The following DEUP1 variants were observed in gnomAD, a reference collection of about 807,000 sequenced individuals.
The protein encoded by DEUP1 is coiled-coil domain containing 67.
A neutral mutation model predicts 87.4 loss-of-function variants in DEUP1; 82 were observed. That is an observed-to-expected ratio of 0.94 (90% confidence interval 0.78 to 1.13). DEUP1 has a LOEUF of 1.13. DEUP1 is among the 50% of genes most tolerant of loss of function. The probability of loss-of-function intolerance (pLI) is 0.00; values close to 1 mark genes in which losing one functional copy is unlikely to be tolerated. For synonymous variants in DEUP1, 214 were observed against 222.7 expected, an observed-to-expected ratio of 0.96 and a Z score of 0.35; for missense variants, 663 against 681.5, an observed-to-expected ratio of 0.97 and a Z score of 0.30.
chr11:93,374,897 A>C (rs938297732), intron 7 of DEUP1, among the ~76,000 whole-genome samples: 1 of 151,886 alleles, frequency 6.6e-6, no homozygotes, highest in African/African-American at 2.4e-5. Flanking sequence ...TATTGATTCT[A>C]CCCATCCATG....
At chr11:93,359,861 C>T (rs567730714) in intron 4 of DEUP1, among the ~76,000 whole-genome samples, 31 of 152,260 alleles carry the variant, frequency 2.0e-4, no homozygotes, top group African/African-American at 6.5e-4. Flanking sequence ...CAAGGTAACC[C>T]GGGCCCTCTT....
At chr11:93,344,572 G>A (rs368590505) in intron 2 of DEUP1, among the ~76,000 whole-genome samples, 5 of 151,124 alleles carry the variant, frequency 3.3e-5, no homozygotes, top group African/African-American at 4.9e-5. Flanking sequence ...CCTCTCCCAC[G>A]CTCCACACCC....
chr11:93,350,473 G>C (rs568218985), intron 2 of DEUP1, among the ~76,000 whole-genome samples: 126 of 152,266 alleles, frequency 8.3e-4, no homozygotes, highest in Middle Eastern at 3.4e-3. Context: ...GTAGTTACCT[G>C]TTAAGAGAAG....
intron 13 of DEUP1, among the ~76,000 whole-genome samples, chr11:93,431,637 T>C (rs573685663): frequency 6.6e-6 from 1 of 152,288 alleles, no homozygotes; most frequent in East Asian, 1.9e-4. Context: ...GAATAAATTA[T>C]AGAGGGGCAA....
rs1947773733 is a variant in DEUP1 at position 93,419,182 on chromosome 11, TAATAA to T, written c.1638+4071_1638+4075del. On this transcript the variant is annotated intron_variant, in intron 13 of 13. Coordinates refer to ENST00000298050, the MANE Select transcript of DEUP1 (RefSeq NM_181645.4). ...ATGTACCCTAAAACTTAAAGTATAA[TAATAA>T]AAAAAAAAAAGACAGAACTGTGGCT... Among the ~76,000 whole-genome samples the T allele has an allele frequency of 2.6e-5, 3 of 115,082 alleles. 1 individual carries two copies. The highest frequency in any genetic ancestry group is 1.1e-4 in the African/African-American group (3 of 26,490). The allele number at this position is 115,082 out of a possible 152,430, so 75.5% of individuals were successfully genotyped here.
intron 12 of DEUP1, among the ~76,000 whole-genome samples, chr11:93,413,109 A>T (rs527429021): frequency 3.3e-5 from 5 of 152,204 alleles, no homozygotes; most frequent in South Asian, 4.1e-4. Flanking sequence ...AATGTGAAAA[A>T]TTTTTTAACT....
intron 2 of DEUP1, among the ~76,000 whole-genome samples, chr11:93,338,372 C>T (rs1227637005): frequency 6.6e-6 from 1 of 151,580 alleles, no homozygotes; most frequent in Non-Finnish European, 1.5e-5. Flanking sequence ...GGGACAAGCA[C>T]AGTGCCTGAC....
At chr11:93,393,933 G>A (rs1946852971) in intron 9 of DEUP1, among the ~76,000 whole-genome samples, 1 of 152,128 alleles carries the variant, frequency 6.6e-6, no homozygotes, top group Non-Finnish European at 1.5e-5. Flanking sequence ...CTTAAGTAAG[G>A]GAAGTGATGA....
chr11:93,363,972 A>G (rs1356464924), intron 4 of DEUP1, among the ~76,000 whole-genome samples, 188 bp from the exon 5 acceptor site: 4 of 151,974 alleles, frequency 2.6e-5, no homozygotes, highest in Non-Finnish European at 5.9e-5. Context: ...TGAAAGCTGA[A>G]TTGTGTTCAG....
At chr11:93,366,936 G>C (rs535084933) in intron 5 of DEUP1, among the ~76,000 whole-genome samples, 1 of 152,112 alleles carries the variant, frequency 6.6e-6, no homozygotes, top group East Asian at 1.9e-4. Context: ...TTTAAATCTA[G>C]ATTGCATTAA....
chr11:93,437,743 TCC>T lies in DEUP1; in HGVS notation c.*32_*33del, dbSNP rs5793640. On this transcript the variant is annotated 3_prime_UTR_variant, in exon 14 of 14. Coordinates refer to ENST00000298050, the MANE Select transcript of DEUP1 (RefSeq NM_181645.4). ...GAGCTTTTAAACTTTTTTATTTGCT[TCC>T]CCCCCCCACCCCCGCCAAGAAAAAA... 4.0e-5 allele frequency: 37 copies of T among 929,098 alleles called. No individual in the cohort carries two copies. Among genetic ancestry groups the T allele is most frequent in the Non-Finnish European group, 5.1e-5 (32 of 625,378 alleles). 57.6% of individuals were successfully genotyped at this position (929,098 alleles called of 1,614,324 possible). A position where few individuals can be genotyped will look rare whatever the true frequency, so the allele number is the denominator to read the frequency against.
chr11:93,437,586 A>C lies in DEUP1; in HGVS notation c.1682A>C (p.His561Pro). The C allele has an allele frequency of 6.2e-7, 1 of 1,613,762 alleles. No homozygotes were observed. Among genetic ancestry groups the C allele is most frequent in the Non-Finnish European group, 8.5e-7 (1 of 1,179,746 alleles). ...MSFPASLAAQ[H>P]FLLEEEKRAK... The stretch of plus-strand genomic sequence containing the variant: ...TTCCCAGCATCTTTGGCTGCACAGC[A>C]TTTCCTTCTGGAAGAAGAGAAACGA... The change falls in exon 14 of 14, where the codon CAT (histidine) becomes CCT (proline). Residue 561 changes from histidine to proline, a missense_variant. Transcript: ENST00000298050.
chr11:93,346,287 A>G (rs1944346099), intron 2 of DEUP1, among the ~76,000 whole-genome samples: 1 of 152,060 alleles, frequency 6.6e-6, no homozygotes, highest in Non-Finnish European at 1.5e-5. Context: ...TTCAGGGCAC[A>G]ATCTTGGCTC....
At chr11:93,428,079 A>G (rs2134490954) in intron 13 of DEUP1, among the ~76,000 whole-genome samples, 1 of 152,212 alleles carries the variant, frequency 6.6e-6, no homozygotes, top group East Asian at 1.9e-4. Flanking sequence ...TTCCTCAGGG[A>G]TCTAGAACTA....
chr11:93,370,155 AATT>A lies in DEUP1; in HGVS notation c.521_523del (p.Leu174del), dbSNP rs778298959. ...CTGATTTCTTTAGATGCTCAACAAA[AATT>A]ATTATCTGAGAAGTGTAATCAGTTT... is the stretch of plus-strand genomic sequence containing the variant. On this transcript the variant is annotated inframe_deletion, in exon 6 of 14. Coordinates refer to ENST00000298050, the MANE Select transcript of DEUP1 (RefSeq NM_181645.4). 9.4e-6 allele frequency: 15 copies of A among 1,588,802 alleles called. No individual in the cohort carries two copies. Among genetic ancestry groups the A allele is most frequent in the South Asian group, 5.6e-5 (5 of 88,986 alleles).
chr11:93,417,159 A>C (rs946478969), intron 13 of DEUP1, among the ~76,000 whole-genome samples: 1 of 144,826 alleles, frequency 6.9e-6, no homozygotes, highest in African/African-American at 2.6e-5. Context: ...TATTCAACAT[A>C]GTGTTGGAAG....
intron 13 of DEUP1, among the ~76,000 whole-genome samples, chr11:93,419,984 T>G (rs1032667206): frequency 2.6e-5 from 4 of 151,916 alleles, no homozygotes; most frequent in Admixed American, 6.6e-5. Context: ...CTACCAAAGG[T>G]ACAAGGAGGA....
chr11:93,380,378 G>GT (rs1034696452), intron 7 of DEUP1, among the ~76,000 whole-genome samples: 1 of 150,872 alleles, frequency 6.6e-6, no homozygotes, highest in Non-Finnish European at 1.5e-5. Flanking sequence ...ATCCTGCTCT[G>GT]TTTTTTTGGG....
chr11:93,419,292 C>T (rs574010923), intron 13 of DEUP1, among the ~76,000 whole-genome samples: 45 of 152,156 alleles, frequency 3.0e-4, no homozygotes, highest in Admixed American at 2.4e-3. Flanking sequence ...AAAGCAGATG[C>T]GCTCTTCAGC....
Sources: allele counts gnomAD v4.1 joint callset (sites outside exome capture counted in the v4.1 genomes callset), GRCh38; gene constraint gnomAD v4.1.1; transcripts MANE v1.5; gene names NCBI Gene and HGNC (gene_info 2026-07-23, HGNC 2026-07-21).